The following MAPK4 variants were observed in gnomAD, a reference collection of about 807,000 sequenced individuals.
MAPK4 encodes Erk3-related.
Under a neutral mutation model 47.7 loss-of-function variants are expected in MAPK4, and 22 were observed. The ratio of observed to expected loss-of-function variants is 0.46; its 90% CI spans 0.33 to 0.66. MAPK4 has a LOEUF of 0.66. Among genes scored for constraint, MAPK4 ranks in the 30% least tolerant of loss-of-function variants. MAPK4 has a pLI of 0.02. For synonymous variants in MAPK4, 390 were observed against 365.7 expected (o/e 1.07, Z -0.76); for missense variants, 736 against 831.7 (o/e 0.88, Z 1.42).
chr18:50,582,088 C>G (rs1308838708), intron 1 of MAPK4, among the ~76,000 whole-genome samples: 2 of 152,194 alleles, frequency 1.3e-5, no homozygotes, highest in Non-Finnish European at 2.9e-5. Flanking sequence ...GGTCTGTACC[C>G]TGGCTGCTTG....
intron 3 of MAPK4, among the ~76,000 whole-genome samples, chr18:50,719,012 C>T (rs567441894): frequency 7.1e-6 from 1 of 140,278 alleles, no homozygotes; most frequent in Non-Finnish European, 1.5e-5. Flanking sequence ...TGAACCAGGA[C>T]GGTGGAGGTT....
intron 1 of MAPK4, among the ~76,000 whole-genome samples, chr18:50,589,827 A>G (rs1007131249): frequency 2.6e-5 from 4 of 152,232 alleles, no homozygotes; most frequent in Admixed American, 2.0e-4. Context: ...ACAAGAGTTC[A>G]AATTGTAATT....
At chr18:50,649,254 T>A (rs1434518514) in intron 1 of MAPK4, among the ~76,000 whole-genome samples, 3 of 152,108 alleles carry the variant, frequency 2.0e-5, no homozygotes, top group African/African-American at 2.4e-5. Flanking sequence ...GTCTACCCAC[T>A]CCCACACTTG....
At chr18:50,602,425 C>T (rs534007565) in intron 1 of MAPK4, among the ~76,000 whole-genome samples, 2 of 152,320 alleles carry the variant, frequency 1.3e-5, no homozygotes, top group East Asian at 3.9e-4. Context: ...TCCTCCCTGG[C>T]TATCTTTGTC....
chr18:50,577,716 G>A (rs962154828), intron 1 of MAPK4, among the ~76,000 whole-genome samples: 6 of 152,160 alleles, frequency 3.9e-5, no homozygotes, highest in Admixed American at 6.5e-5. Context: ...GGACATTTCC[G>A]TAGGCCTGAA....
intron 1 of MAPK4, among the ~76,000 whole-genome samples, chr18:50,567,811 A>G (rs2042213002): frequency 6.8e-6 from 1 of 146,786 alleles, no homozygotes; most frequent in Non-Finnish European, 1.5e-5. Context: ...TATCTATTTG[A>G]GTGTAGTGTT....
chr18:50,651,255 T>A (rs1332180963), intron 1 of MAPK4, among the ~76,000 whole-genome samples: 1 of 152,138 alleles, frequency 6.6e-6, no homozygotes, highest in East Asian at 2.0e-4. Flanking sequence ...TGCTTTCTTG[T>A]CCACTCCGCA....
chr18:50,730,012 C>T lies in MAPK4; in HGVS notation c.*158C>T, dbSNP rs893989521. 47 of 753,082 alleles carry T rather than the reference C, an allele frequency of 6.2e-5. No homozygotes were observed. The highest frequency in any genetic ancestry group is 9.0e-5 in the Non-Finnish European group (44 of 489,942). 46.6% of individuals were successfully genotyped at this position (753,082 alleles called of 1,614,324 possible). ...GCGAGAGGAATGTCCATTTCTTAAACTGCCTTAATAACTAGCCTTTAACCT... is the reference window on the plus strand; with the variant it reads ...GCGAGAGGAATGTCCATTTCTTAAATTGCCTTAATAACTAGCCTTTAACCT... On this transcript the variant is annotated 3_prime_UTR_variant, in exon 6 of 6. Transcript: ENST00000400384.
At chr18:50,596,270 C>A (rs182867410) in intron 1 of MAPK4, among the ~76,000 whole-genome samples, 1 of 152,282 alleles carries the variant, frequency 6.6e-6, no homozygotes, top group Admixed American at 6.5e-5. Flanking sequence ...TGAGTCCTGG[C>A]AGCTCTGATG....
chr18:50,664,141 C>G lies in MAPK4; in HGVS notation c.183C>G (p.His61Gln). 6.2e-7 allele frequency: 1 copy of G among 1,614,170 alleles called. No individual in the cohort carries two copies. The highest frequency in any genetic ancestry group is 1.1e-5 in the South Asian group (1 of 91,070). ...TGAGCGATGCCCGCAGCATGAAGCA[C>G]GCGCTCCGAGAGATCAAGATCATTC... is the stretch of plus-strand genomic sequence containing the variant. ...IALSDARSMK[H>Q]ALREIKIIRR... The change falls in exon 2 of 6, where the codon CAC becomes CAG. Residue 61 changes from histidine to glutamine, a missense_variant. His to Gln is a conservative substitution (Grantham distance 24, BLOSUM62 0). Around this residue, in one of 3 missense-constraint regions of MAPK4, gnomAD observed 327 missense variants for 395.4 expected, o/e 0.83. Coordinates refer to ENST00000400384, the MANE Select transcript of MAPK4 (RefSeq NM_002747.4). This position sits in a 1 kb window ranked among gnomAD's most constrained non-coding sequence, Gnocchi z 6.0.
intron 1 of MAPK4, among the ~76,000 whole-genome samples, chr18:50,605,594 G>A (rs1315545086): frequency 1.3e-5 from 2 of 152,178 alleles, no homozygotes; most frequent in Non-Finnish European, 2.9e-5. Flanking sequence ...TGGGCAGTTT[G>A]CCGATCTCCT....
intron 1 of MAPK4, among the ~76,000 whole-genome samples, chr18:50,617,602 G>A (rs1232235698): frequency 6.6e-6 from 1 of 152,140 alleles, no homozygotes; most frequent in Non-Finnish European, 1.5e-5. Context: ...TGGTTGTACC[G>A]ACCTGTAGGA....
intron 2 of MAPK4, among the ~76,000 whole-genome samples, chr18:50,684,841 G>A (rs1266476867): frequency 6.6e-6 from 1 of 152,164 alleles, no homozygotes; most frequent in East Asian, 1.9e-4. Context: ...GATGAAAAAG[G>A]AGGCTCCAGG....
At chr18:50,567,844 T>G (rs2042213727) in intron 1 of MAPK4, among the ~76,000 whole-genome samples, 1 of 151,480 alleles carries the variant, frequency 6.6e-6, no homozygotes, top group South Asian at 2.1e-4. Flanking sequence ...AAAAATGACC[T>G]GTCATTTGTC....
At chr18:50,574,030 T>G (rs2042273170) in intron 1 of MAPK4, among the ~76,000 whole-genome samples, 1 of 152,182 alleles carries the variant, frequency 6.6e-6, no homozygotes, top group East Asian at 1.9e-4. Context: ...CACTTCTGAT[T>G]CCACATCGGC....
chr18:50,672,809 G>A, intron 2 of MAPK4, among the ~76,000 whole-genome samples: 1 of 152,188 alleles, frequency 6.6e-6, no homozygotes, highest in East Asian at 1.9e-4. Context: ...AAGGGAGTCA[G>A]GGGCTTGGAG....
At chr18:50,607,638 C>T (rs2042593401) in intron 1 of MAPK4, among the ~76,000 whole-genome samples, 1 of 152,206 alleles carries the variant, frequency 6.6e-6, no homozygotes, top group Admixed American at 6.5e-5. Flanking sequence ...AGTAAGAAGG[C>T]CACGTGGTGA....
At chr18:50,650,678 A>C (rs1315461978) in intron 1 of MAPK4, among the ~76,000 whole-genome samples, 2 of 152,196 alleles carry the variant, frequency 1.3e-5, no homozygotes, top group African/African-American at 2.4e-5. Context: ...GACAGGGCTA[A>C]TTCTCAGTCC....
At chr18:50,635,779 G>A (rs887726500) in intron 1 of MAPK4, among the ~76,000 whole-genome samples, 1 of 152,034 alleles carries the variant, frequency 6.6e-6, no homozygotes, top group African/African-American at 2.4e-5. Context: ...CTGGTCCACG[G>A]GTGCTTATGG....
Sources: allele counts gnomAD v4.1 joint callset (sites outside exome capture counted in the v4.1 genomes callset), GRCh38; gene constraint gnomAD v4.1.1; regional missense constraint gnomAD v4.1.1; non-coding constraint Gnocchi (gnomAD v3.1); transcripts MANE v1.5; gene names NCBI Gene and HGNC (gene_info 2026-07-23, HGNC 2026-07-21).